The following EYS variants were observed in gnomAD, a reference collection of about 807,000 sequenced individuals.
EYS encodes protein eyes shut homolog.
EYS carries 250 observed loss-of-function variants against 282.1 expected under a neutral mutation model. That is an observed-to-expected ratio of 0.89 (90% CI 0.80 to 0.98). EYS has a LOEUF of 0.98. Among genes scored for constraint, EYS ranks in the 50% least tolerant of loss-of-function variants. The probability of loss-of-function intolerance (pLI) is 0.00; values close to 1 mark genes in which losing one functional copy is unlikely to be tolerated. For synonymous variants in EYS, 1,355 were observed against 1,282.9 expected (o/e 1.06, Z -1.20); for missense variants, 4,016 against 3,709.0 (o/e 1.08, Z -2.15).
chr6:63,826,952 A>C (rs1771485952), intron 36 of EYS, among the ~76,000 whole-genome samples: 1 of 152,128 alleles, frequency 6.6e-6, no homozygotes, highest in Non-Finnish European at 1.5e-5. Flanking sequence ...ATTGAATGTA[A>C]ATGACCTAAA....
chr6:65,305,825 C>A (rs893571111), intron 11 of EYS, among the ~76,000 whole-genome samples: 27 of 152,100 alleles, frequency 1.8e-4, no homozygotes, highest in African/African-American at 6.5e-4. Flanking sequence ...TCCCAACAAA[C>A]CCCTGTTGCC....
intron 30 of EYS, among the ~76,000 whole-genome samples, chr6:64,291,501 G>T (rs1028644123): frequency 6.6e-6 from 1 of 151,986 alleles, no homozygotes; most frequent in Non-Finnish European, 1.5e-5. Context: ...CATAAATATT[G>T]ATAGCTTTCA....
intron 2 of EYS, among the ~76,000 whole-genome samples, chr6:65,598,884 G>C (rs1765510807): frequency 1.3e-5 from 2 of 152,234 alleles, no homozygotes; most frequent in South Asian, 4.1e-4. Context: ...ATCAAAGGGA[G>C]TAGTAATAGT....
chr6:63,723,075 ATAAAG>A (rs1407889509), intron 42 of EYS, among the ~76,000 whole-genome samples: 1 of 152,174 alleles, frequency 6.6e-6, no homozygotes, highest in Non-Finnish European at 1.5e-5. Flanking sequence ...TAATTATTAA[ATAAAG>A]AAATACGTTT....
chr6:63,761,447 T>C (rs977613130), intron 41 of EYS, among the ~76,000 whole-genome samples: 1 of 152,082 alleles, frequency 6.6e-6, no homozygotes, highest in African/African-American at 2.4e-5. Context: ...CTTCCATTTA[T>C]TAACAATTTT....
At chr6:65,216,799 C>T (rs932425786) in intron 12 of EYS, among the ~76,000 whole-genome samples, 2 of 151,666 alleles carry the variant, frequency 1.3e-5, no homozygotes, top group African/African-American at 4.8e-5. Context: ...AATATGTATA[C>T]ATATATTATA....
intron 13 of EYS, among the ~76,000 whole-genome samples, chr6:65,039,430 CT>C (rs1346887545): frequency 1.3e-5 from 2 of 151,300 alleles, no homozygotes; most frequent in Non-Finnish European, 3.0e-5. Flanking sequence ...AATTTGTCAA[CT>C]TTTTCTTGTA....
At chr6:63,863,391 A>C (rs1400141890) in intron 36 of EYS, among the ~76,000 whole-genome samples, 1 of 152,122 alleles carries the variant, frequency 6.6e-6, no homozygotes, top group East Asian at 1.9e-4. Context: ...AGAGAGACGC[A>C]TGTCTATTGT....
intron 12 of EYS, among the ~76,000 whole-genome samples, chr6:65,114,001 T>C (rs1466013466): frequency 2.0e-5 from 3 of 152,026 alleles, no homozygotes; most frequent in Non-Finnish European, 4.4e-5. Flanking sequence ...ATCTTTGGTC[T>C]CCTACATAGA....
At chr6:63,851,844 G>A (rs1562060074) in intron 36 of EYS, among the ~76,000 whole-genome samples, 1 of 151,938 alleles carries the variant, frequency 6.6e-6, no homozygotes, top group African/African-American at 2.4e-5. Flanking sequence ...AGGAGATAGA[G>A]ACACAAAAAA....
chr6:64,449,105 T>A (rs184589796), intron 26 of EYS, among the ~76,000 whole-genome samples: 4,696 of 151,370 alleles, frequency 0.031, 226 homozygotes, highest in African/African-American at 0.11. Flanking sequence ...ATAAAAACTT[T>A]AAAAAAAAAT....
Position 65,358,438 on chromosome 6 carries a change from A to G in EYS, c.1300-4821T>C, listed in dbSNP as rs560690605. The stretch of plus-strand genomic sequence containing the variant: ...TTTAAAAGCTAAAAGTCTTATGTCT[A>G]CTGAACTACTCATTCCTAGGCAAAC... On this transcript the variant is annotated intron_variant, in intron 8 of 42. Transcript: ENST00000503581. Among the ~76,000 whole-genome samples, 6 of 152,118 alleles carry G rather than the reference A, an allele frequency of 3.9e-5. No individual in the cohort carries two copies. The East Asian group carries it at 7.7e-4, about 20-fold the overall frequency.
At chr6:65,276,845 CTG>C (rs1768061110) in intron 12 of EYS, among the ~76,000 whole-genome samples, 1 of 152,110 alleles carries the variant, frequency 6.6e-6, no homozygotes, top group African/African-American at 2.4e-5. Flanking sequence ...AAAAAGATAA[CTG>C]TAATTGACAT....
intron 31 of EYS, among the ~76,000 whole-genome samples, chr6:64,188,003 A>G (rs1764997889): frequency 6.6e-6 from 1 of 152,164 alleles, no homozygotes; most frequent in Non-Finnish European, 1.5e-5. Context: ...ATACAAAGTA[A>G]TGAGTTGAGA....
chr6:64,765,772 T>A (rs1390373293), intron 22 of EYS, among the ~76,000 whole-genome samples: 1 of 152,028 alleles, frequency 6.6e-6, no homozygotes, highest in Non-Finnish European at 1.5e-5. Context: ...CTCACTATCA[T>A]GAGAACAGCT....
intron 37 of EYS, among the ~76,000 whole-genome samples, chr6:63,798,940 AAT>A (rs199824989): frequency 0.011 from 1,558 of 140,640 alleles, 28 homozygotes; most frequent in African/African-American, 0.039. Flanking sequence ...TTTCTTCTAA[AAT>A]ATATATATAT....
intron 35 of EYS, among the ~76,000 whole-genome samples, chr6:63,940,210 G>C (rs2149757403): frequency 6.6e-6 from 1 of 152,196 alleles, no homozygotes; most frequent in Middle Eastern, 3.4e-3. Context: ...GAAAAGTCAT[G>C]ACATTACAAG....
chr6:64,375,021 A>G (rs1772519353), intron 29 of EYS, among the ~76,000 whole-genome samples: 2 of 152,336 alleles, frequency 1.3e-5, no homozygotes, highest in Non-Finnish European at 1.5e-5. Flanking sequence ...GAAATAAGTT[A>G]TATCTGTTAT....
chr6:65,434,286 C>T (rs1389105618), intron 5 of EYS, among the ~76,000 whole-genome samples: 1 of 151,552 alleles, frequency 6.6e-6, no homozygotes, highest in African/African-American at 2.4e-5. Context: ...ACAACAACAA[C>T]AGGTTATATC....
Sources: gnomAD v4.1 joint callset for allele counts (sites outside exome capture counted in the v4.1 genomes callset) on GRCh38, gnomAD v4.1.1 for gene constraint, MANE v1.5 for transcripts, NCBI Gene and HGNC (gene_info 2026-07-23, HGNC 2026-07-21) for gene names.